Variants in OPN5 observed in about 807,000 individuals in gnomAD.
The protein encoded by OPN5 is opsin 5.
Under a neutral mutation model 41.7 loss-of-function variants are expected in OPN5, and 18 were observed. That is an observed-to-expected ratio of 0.43 (90% confidence interval 0.30 to 0.64). OPN5 has a LOEUF of 0.64. OPN5 is among the 30% of genes least tolerant of loss of function. OPN5 has a pLI of 0.13. For synonymous variants in OPN5, 178 were observed against 164.3 expected, an observed-to-expected ratio of 1.08 and a Z score of -0.64; for missense variants, 318 against 434.5, an observed-to-expected ratio of 0.73 and a Z score of 2.38.
chr6:47,806,331 TA>T (rs1329097325), intron 4 of OPN5, among the ~76,000 whole-genome samples: 3 of 152,154 alleles, frequency 2.0e-5, no homozygotes, highest in Admixed American at 6.5e-5. Flanking sequence ...GGGCCTGAAA[TA>T]GCACAAGTTT....
At chr6:47,783,780 T>C (rs1029248675) in intron 1 of OPN5, among the ~76,000 whole-genome samples, 1 of 152,236 alleles carries the variant, frequency 6.6e-6, no homozygotes, top group Non-Finnish European at 1.5e-5. Flanking sequence ...ATTGCATTTT[T>C]ATTAAACTTA....
intron 3 of OPN5, among the ~76,000 whole-genome samples, chr6:47,792,900 A>G (rs1561892126): frequency 2.6e-5 from 4 of 151,162 alleles, no homozygotes; most frequent in Non-Finnish European, 5.9e-5. Flanking sequence ...TATAGTTTAC[A>G]TCCCCAAACT....
At chr6:47,820,142 A>C (rs1362198252) in intron 6 of OPN5, among the ~76,000 whole-genome samples, 2 of 99,320 alleles carry the variant, frequency 2.0e-5, no homozygotes, top group African/African-American at 6.1e-5. Context: ...ATAGAGAGAG[A>C]GAGAGAGAGA....
intron 1 of OPN5, among the ~76,000 whole-genome samples, chr6:47,784,122 G>A (rs1581723889): frequency 6.6e-6 from 1 of 152,254 alleles, no homozygotes; most frequent in East Asian, 1.9e-4. Flanking sequence ...GACAGGGGGA[G>A]CTTCAGGAGG....
intron 4 of OPN5, among the ~76,000 whole-genome samples, chr6:47,800,385 C>G (rs1773722964): frequency 6.6e-6 from 1 of 152,132 alleles, no homozygotes; most frequent in Non-Finnish European, 1.5e-5. Flanking sequence ...TGGAAGCTCT[C>G]CTCTTGAGCT....
chr6:47,786,601 A>T (rs1309079895), exon 2 of OPN5: 1 of 1,613,244 alleles, frequency 6.2e-7, no homozygotes, highest in Non-Finnish European at 8.5e-7. Flanking sequence ...AATAATGACT[A>T]TCAATTTAGC....
Sources: allele counts gnomAD v4.1 joint callset (sites outside exome capture counted in the v4.1 genomes callset), GRCh38; gene constraint gnomAD v4.1.1; transcripts MANE v1.5; gene names NCBI Gene and HGNC (gene_info 2026-07-23, HGNC 2026-07-21).